Variants in AS3MT observed in about 807,000 individuals in gnomAD.
The protein encoded by AS3MT is arsenite methyltransferase, also known as S-adenosyl-L-methionine:arsenic(III) methyltransferase.
AS3MT carries 47 observed loss-of-function variants against 45.3 expected under a neutral mutation model. The ratio of observed to expected loss-of-function variants is 1.04; its 90% confidence interval spans 0.82 to 1.32. The LOEUF is 1.32. AS3MT is among the 40% of genes most tolerant of loss of function. The probability of loss-of-function intolerance (pLI) is 0.00; values close to 1 mark genes in which losing one functional copy is unlikely to be tolerated. For missense variants in AS3MT, 396 were observed against 451.1 expected, an observed-to-expected ratio of 0.88 and a Z score of 1.11; for synonymous variants, 141 against 152.8, an observed-to-expected ratio of 0.92 and a Z score of 0.57.
At chr10:102,873,026 T>C (rs532285192) in intron 4 of AS3MT, 71 bp from the exon 5 acceptor site, 8 of 1,298,224 alleles carry the variant, frequency 6.2e-6, no homozygotes, top group Non-Finnish European at 8.5e-6. Flanking sequence ...CTGTTAGTGA[T>C]AGGAAATTTT....
At chr10:102,875,730 C>A (rs1412898033) in intron 6 of AS3MT, among the ~76,000 whole-genome samples, 2 of 151,842 alleles carry the variant, frequency 1.3e-5, no homozygotes, top group African/African-American at 4.8e-5. Flanking sequence ...TCAAACAATT[C>A]TTTTGCCTCA....
chr10:102,900,467 C>T, intron 10 of AS3MT, 126 bp from the exon 11 acceptor site: 1 of 637,998 alleles, frequency 1.6e-6, no homozygotes. Context: ...CTCCCAGGAT[C>T]TCATGGAATT....
intron 9 of AS3MT, among the ~76,000 whole-genome samples, chr10:102,886,144 C>G (rs1249052546): frequency 6.6e-6 from 1 of 151,860 alleles, no homozygotes; most frequent in East Asian, 1.9e-4. Context: ...TTTTTAGTCT[C>G]AATTTCATTT....
intron 9 of AS3MT, among the ~76,000 whole-genome samples, chr10:102,889,799 C>T (rs1185056902): frequency 6.6e-6 from 1 of 151,876 alleles, no homozygotes; most frequent in African/African-American, 2.4e-5. Flanking sequence ...CCTCAGCCTC[C>T]CGAGTAGCTG....
At chr10:102,876,837 G>A in intron 6 of AS3MT, 117 bp from the exon 7 acceptor site, 1 of 1,013,412 alleles carries the variant, frequency 9.9e-7, no homozygotes, top group Non-Finnish European at 1.5e-6. Context: ...CAAAGGGTCA[G>A]CTTAAACATT....
rs778590347 is a variant in AS3MT at position 102,890,617 on chromosome 10, T to C, written c.959T>C (p.Leu320Pro). ...LKNSRFAQDF[L>P]IRPIGEKLPT... ...AATTCAAGATTTGCTCAAGATTTTCTGATCAGACCAATTGGAGAGAAGTTG... is the reference window on the plus strand; with the variant it reads ...AATTCAAGATTTGCTCAAGATTTTCCGATCAGACCAATTGGAGAGAAGTTG... The change falls in exon 10 of 11, where the codon CTG becomes CCG. Residue 320 changes from leucine to proline, a missense_variant. Leu to Pro is a moderately conservative substitution (Grantham distance 98, BLOSUM62 -3). Coordinates refer to ENST00000369880, the MANE Select transcript of AS3MT (RefSeq NM_020682.4). 2 of 1,613,188 alleles carry C rather than the reference T, an allele frequency of 1.2e-6. No homozygotes were observed. The highest frequency in any genetic ancestry group is 1.7e-6 in the Non-Finnish European group (2 of 1,179,626).
chr10:102,878,251 G>A, intron 7 of AS3MT, 128 bp from the exon 8 acceptor site: 1 of 1,340,072 alleles, frequency 7.5e-7, no homozygotes, highest in Non-Finnish European at 1.0e-6. Context: ...GCTCAAGTTA[G>A]CTTCTACTGC....
In AS3MT at chr10:102,873,190, T is replaced by C; in HGVS notation, c.415T>C (p.Leu139=). Residue 139 remains leucine, a synonymous_variant, in exon 5 of 11, where the codon TTG becomes CTG. Transcript: ENST00000369880. ...TTTTATTCATGGCTACATTGAGAAG[T>C]TGGGAGAGGCTGGAATCAAGAATGA... ...VTFIHGYIEK[L]GEAGIKNESH... is the part of the protein sequence containing the mutation. The C allele has an allele frequency of 2.5e-6, 4 of 1,610,658 alleles. No homozygotes were observed. The highest frequency in any genetic ancestry group is 3.4e-6 in the Non-Finnish European group (4 of 1,179,064).
At chr10:102,883,256 GCA>G (rs1484967044) in intron 9 of AS3MT, among the ~76,000 whole-genome samples, 2 of 150,492 alleles carry the variant, frequency 1.3e-5, no homozygotes, top group Non-Finnish European at 3.0e-5. Flanking sequence ...GGGTGCCAAC[GCA>G]CCTGGCTAAT....
chr10:102,889,583 C>A (rs1845023944), intron 9 of AS3MT, among the ~76,000 whole-genome samples: 1 of 150,780 alleles, frequency 6.6e-6, no homozygotes, highest in Admixed American at 6.7e-5. Flanking sequence ...GATTTCATTT[C>A]ATTCCCTTCC....
intron 7 of AS3MT, among the ~76,000 whole-genome samples, chr10:102,878,042 C>T (rs965852552): frequency 7.9e-5 from 12 of 152,036 alleles, no homozygotes; most frequent in East Asian, 1.9e-4. Flanking sequence ...TGAGCCACCG[C>T]GCTCGGCCTA....
intron 10 of AS3MT, among the ~76,000 whole-genome samples, chr10:102,893,028 A>ATAAT (rs1404560674): frequency 2.1e-5 from 3 of 146,114 alleles, no homozygotes; most frequent in Admixed American, 7.0e-5. Flanking sequence ...AAATAAATAA[A>ATAAT]TAATTTTAGA....
At chr10:102,888,709 C>T (rs112507051) in intron 9 of AS3MT, among the ~76,000 whole-genome samples, 11,624 of 150,648 alleles carry the variant, frequency 0.077, 530 homozygotes, top group Middle Eastern at 0.17. Flanking sequence ...GCATGAGCCA[C>T]CACACCTGGC....
chr10:102,887,179 T>A (rs1564794083), intron 9 of AS3MT, among the ~76,000 whole-genome samples: 1 of 152,320 alleles, frequency 6.6e-6, no homozygotes, highest in East Asian at 1.9e-4. Flanking sequence ...TCCATAGTGG[T>A]GAGAAAGATA....
chr10:102,870,036 G>GCTC (rs3832685), intron 2 of AS3MT, 48 bp from the exon 3 acceptor site: 585,841 of 1,601,282 alleles, frequency 0.37, 109,284 homozygotes, highest in East Asian at 0.51. Flanking sequence ...TGCAGTCACA[G>GCTC]CTCTTCTCCC....
In AS3MT at chr10:102,872,475, TGAGCATCTAG is replaced by T. The variant is rs767361004; in HGVS notation, c.199_208del (p.Glu67LysfsTer29). ...ATTATGGCTGTGGTCTGGTGATCCC[TGAGCATCTAG>T]AAAACTGCTGGATTTTGGATCTGGG... On this transcript the variant is annotated frameshift_variant, in exon 4 of 11. Coordinates refer to ENST00000369880, the MANE Select transcript of AS3MT (RefSeq NM_020682.4). LOFTEE classifies it high-confidence loss of function. The T allele has an allele frequency of 1.2e-6, 2 of 1,614,128 alleles. No individual in the cohort carries two copies. Among genetic ancestry groups the T allele is most frequent in the Non-Finnish European group, 1.7e-6 (2 of 1,180,002 alleles).
chr10:102,898,322 G>A (rs1222647754), intron 10 of AS3MT, among the ~76,000 whole-genome samples: 29 of 152,062 alleles, frequency 1.9e-4, no homozygotes, highest in Non-Finnish European at 8.8e-5. Flanking sequence ...CTGGCTGGGC[G>A]TGGTGGCTCA....
At chr10:102,899,763 G>C (rs1375382264) in intron 10 of AS3MT, among the ~76,000 whole-genome samples, 3 of 151,460 alleles carry the variant, frequency 2.0e-5, no homozygotes, top group African/African-American at 7.3e-5. Context: ...CACCTCCTAG[G>C]TTCAAGTGAT....
At chr10:102,880,625 C>T (rs1429710493) in intron 9 of AS3MT, among the ~76,000 whole-genome samples, 5 of 152,186 alleles carry the variant, frequency 3.3e-5, no homozygotes, top group Non-Finnish European at 5.9e-5. Flanking sequence ...ACGAAGTCCA[C>T]GTTAAGCATT....
Sources: allele counts gnomAD v4.1 joint callset (sites outside exome capture counted in the v4.1 genomes callset), GRCh38; gene constraint gnomAD v4.1.1; transcripts MANE v1.5; gene names NCBI Gene and HGNC (gene_info 2026-07-23, HGNC 2026-07-21).